The following PLCL1 variants were observed in gnomAD, a reference collection of about 807,000 sequenced individuals.
The protein encoded by PLCL1 is phospholipase C like 1 (inactive), also known as inactive phospholipase C-like protein 1.
PLCL1 carries 41 observed loss-of-function variants against 84.4 expected under a neutral mutation model. The observed-to-expected ratio is 0.49, with a 90% confidence interval of 0.38 to 0.63. The LOEUF (loss-of-function observed/expected upper bound fraction) is 0.63, where lower values mean the gene tolerates loss of function less well. Among genes scored for constraint, PLCL1 ranks in the 30% least tolerant of loss-of-function variants. PLCL1 has a pLI of 0.00. For missense variants in PLCL1, 1,206 were observed against 1,367.8 expected (o/e 0.88, Z 1.87); for synonymous variants, 490 against 488.3 (o/e 1.00, Z -0.05).
chr2:198,042,445 G>A (rs150107442), intron 1 of PLCL1, among the ~76,000 whole-genome samples: 133 of 152,294 alleles, frequency 8.7e-4, no homozygotes, highest in African/African-American at 3.0e-3. Context: ...TTGAGGTGGT[G>A]GTTTTAGCAA....
At chr2:197,926,275 G>A (rs956691375) in intron 1 of PLCL1, among the ~76,000 whole-genome samples, 2 of 152,166 alleles carry the variant, frequency 1.3e-5, no homozygotes, top group African/African-American at 4.8e-5. Flanking sequence ...AATAAGTAGT[G>A]ACACATAGAC....
At chr2:197,851,365 C>T (rs899323560) in intron 1 of PLCL1, among the ~76,000 whole-genome samples, 7 of 152,144 alleles carry the variant, frequency 4.6e-5, no homozygotes, top group African/African-American at 1.2e-4. Flanking sequence ...TTAGTAATTA[C>T]GTAGCTTATC....
At position 197,953,248 on chromosome 2, in the gene PLCL1, C is replaced by T. The variant is rs1205831565; in HGVS notation, c.241-130510C>T. Among the ~76,000 whole-genome samples the T allele has an allele frequency of 2.0e-5, 3 of 151,960 alleles. No homozygotes were observed. In the East Asian group the frequency reaches 5.8e-4, roughly 29 times the overall value. On this transcript the variant is annotated intron_variant, in intron 1 of 5. Transcript: ENST00000428675. Reference sequence around the variant, plus strand: ...ATATAATTTCCAAAGTTTGGTTTTCCGTACCATTCTAATAAACCCAGAAGA... The same window carrying T: ...ATATAATTTCCAAAGTTTGGTTTTCTGTACCATTCTAATAAACCCAGAAGA...
chr2:197,955,100 C>T (rs4410288), intron 1 of PLCL1, among the ~76,000 whole-genome samples: 74,825 of 151,768 alleles, frequency 0.49, 18,964 homozygotes, highest in African/African-American at 0.58. Context: ...CATTCCTATA[C>T]GCTTTACCTT....
intron 1 of PLCL1, among the ~76,000 whole-genome samples, chr2:197,816,387 T>C (rs924465954): frequency 6.6e-6 from 1 of 152,182 alleles, no homozygotes; most frequent in African/African-American, 2.4e-5. Flanking sequence ...GACTACTGTA[T>C]AGTGTAAACA....
At chr2:197,951,165 A>T (rs1329935699) in intron 1 of PLCL1, among the ~76,000 whole-genome samples, 1 of 152,172 alleles carries the variant, frequency 6.6e-6, no homozygotes, top group Non-Finnish European at 1.5e-5. Context: ...GTATAATTAC[A>T]AAATGAACAA....
At position 198,099,931 on chromosome 2, in the gene PLCL1, T is replaced by G. The variant is rs550433074; in HGVS notation, c.2920-1354T>G. ...GTAATCCTATTAAAAGCTTTATGCT[T>G]ATTTTTCAGTACTTAATTTGAAAGA... On this transcript the variant is annotated intron_variant, in intron 3 of 5. Coordinates refer to ENST00000428675, the MANE Select transcript of PLCL1 (RefSeq NM_006226.4). 3.3e-5 allele frequency among the ~76,000 whole-genome samples: 5 copies of G among 152,308 alleles called. No homozygotes were observed. In the East Asian group the frequency reaches 5.8e-4, roughly 18 times the overall value.
intron 3 of PLCL1, among the ~76,000 whole-genome samples, chr2:198,098,272 T>C (rs779113409): frequency 6.6e-6 from 1 of 152,148 alleles, no homozygotes; most frequent in Non-Finnish European, 1.5e-5. Context: ...AACTCCTTCC[T>C]GAAAAAACAG....
At position 197,866,579 on chromosome 2, in the gene PLCL1, G is replaced by A. The variant is rs931967965; in HGVS notation, c.240+61240G>A. ...TGCCCATGGACAGCAGTTCATTCTAGGGAATTAATATGCTTGCTTTTCCAG... is the reference window on the plus strand; with the variant it reads ...TGCCCATGGACAGCAGTTCATTCTAAGGAATTAATATGCTTGCTTTTCCAG... On this transcript the variant is annotated intron_variant, in intron 1 of 5. Coordinates refer to ENST00000428675, the MANE Select transcript of PLCL1 (RefSeq NM_006226.4). 2.0e-5 allele frequency among the ~76,000 whole-genome samples: 3 copies of A among 152,112 alleles called. No individual in the cohort carries two copies. In the Middle Eastern group the frequency reaches 0.01, roughly 517 times the overall value.
chr2:198,093,249 G>C (rs980664435), intron 3 of PLCL1, among the ~76,000 whole-genome samples: 3 of 152,108 alleles, frequency 2.0e-5, no homozygotes, highest in African/African-American at 4.8e-5. Flanking sequence ...ACAACCTATA[G>C]AATGTACAAC....
chr2:198,039,596 C>T (rs777628197), intron 1 of PLCL1, among the ~76,000 whole-genome samples: 3 of 152,172 alleles, frequency 2.0e-5, no homozygotes, highest in Non-Finnish European at 4.4e-5. Flanking sequence ...GAGCCTCCTT[C>T]TTGGAGATTC....
At chr2:197,859,253 C>T (rs903774303) in intron 1 of PLCL1, among the ~76,000 whole-genome samples, 1 of 151,986 alleles carries the variant, frequency 6.6e-6, no homozygotes, top group Non-Finnish European at 1.5e-5. Flanking sequence ...CTTATTTCTG[C>T]TGAGGTTAAA....
intron 1 of PLCL1, among the ~76,000 whole-genome samples, chr2:197,869,482 A>C (rs1687608032): frequency 6.6e-6 from 1 of 152,118 alleles, no homozygotes; most frequent in Non-Finnish European, 1.5e-5. Flanking sequence ...TGACTCTAAT[A>C]ATACTATTTC....
chr2:198,133,279 A>G (rs1467041918), intron 5 of PLCL1, among the ~76,000 whole-genome samples: 1 of 151,114 alleles, frequency 6.6e-6, no homozygotes, highest in Non-Finnish European at 1.5e-5. Flanking sequence ...CACAAGAACA[A>G]AAAACCAAAC....
At position 197,882,992 on chromosome 2, in the gene PLCL1, G is replaced by A. The variant is rs1057209023; in HGVS notation, c.240+77653G>A. On this transcript the variant is annotated intron_variant, in intron 1 of 5. Coordinates refer to ENST00000428675, the MANE Select transcript of PLCL1 (RefSeq NM_006226.4). ...CCATTTACATCAGGTTCAAAAACAG[G>A]TGAAATCAATCTGTGGAATCAGAAG... Among the ~76,000 whole-genome samples the A allele has an allele frequency of 7.2e-4, 110 of 152,256 alleles. 1 individual carries two copies. The highest frequency in any genetic ancestry group is 2.6e-3 in the African/African-American group (108 of 41,544).
Position 197,805,224 on chromosome 2 carries a change from T to G in PLCL1, c.125T>G (p.Met42Arg). The G allele has an allele frequency of 7.9e-7, 1 of 1,273,514 alleles. No homozygotes were observed. Among genetic ancestry groups the G allele is most frequent in the South Asian group, 2.8e-5 (1 of 36,230 alleles). The allele number at this position is 1,273,514 out of a possible 1,614,324, so 78.9% of individuals were successfully genotyped here. A position where few individuals can be genotyped will look rare whatever the true frequency, so the allele number is the denominator to read the frequency against. ...GTGACGGCGGCCTCTGGGGGCCGGA[T>G]GAGGGACCGTCGCAGCGGGGTCGCA... ...DCVTAASGGR[M>R]RDRRSGVALP... The change falls in exon 1 of 6, where the codon ATG becomes AGG. Residue 42 changes from methionine to arginine, a missense_variant. Coordinates refer to ENST00000428675, the MANE Select transcript of PLCL1 (RefSeq NM_006226.4). This position sits in a 1 kb window ranked among gnomAD's most constrained non-coding sequence, Gnocchi z 4.0.
At chr2:198,045,521 G>T (rs2105863226) in intron 1 of PLCL1, among the ~76,000 whole-genome samples, 1 of 152,276 alleles carries the variant, frequency 6.6e-6, no homozygotes, top group African/African-American at 2.4e-5. Flanking sequence ...AATATTTGAT[G>T]AGTCAGTTCA....
chr2:197,852,684 C>T (rs889008300), intron 1 of PLCL1, among the ~76,000 whole-genome samples: 18 of 152,120 alleles, frequency 1.2e-4, no homozygotes, highest in African/African-American at 2.9e-4. Flanking sequence ...AAGATGCTGG[C>T]GGGTTGTAGG....
At chr2:197,926,293 A>G (rs745781655) in intron 1 of PLCL1, among the ~76,000 whole-genome samples, 5 of 152,238 alleles carry the variant, frequency 3.3e-5, no homozygotes, top group Non-Finnish European at 7.3e-5. Flanking sequence ...GACAGAAAAC[A>G]TCAGAATGTG....
Sources: allele counts gnomAD v4.1 joint callset (sites outside exome capture counted in the v4.1 genomes callset), GRCh38; gene constraint gnomAD v4.1.1; non-coding constraint Gnocchi (gnomAD v3.1); transcripts MANE v1.5; gene names NCBI Gene and HGNC (gene_info 2026-07-23, HGNC 2026-07-21).